The following SGCD variants were observed in gnomAD, a reference collection of about 807,000 sequenced individuals.
SGCD encodes the protein delta-sarcoglycan.
SGCD carries 18 observed loss-of-function variants against 36.6 expected under a neutral mutation model. The ratio of observed to expected loss-of-function variants is 0.49; its 90% confidence interval spans 0.34 to 0.73. The LOEUF (loss-of-function observed/expected upper bound fraction) is 0.73, where lower values mean the gene tolerates loss of function less well. SGCD is among the 30% of genes least tolerant of loss of function. SGCD has a pLI of 0.01. For missense variants in SGCD, 387 were observed against 346.7 expected, an observed-to-expected ratio of 1.12 and a Z score of -0.92; for synonymous variants, 133 against 130.6, an observed-to-expected ratio of 1.02 and a Z score of -0.12.
At chr5:156,078,081 G>A (rs1348620691) in intron 1 of SGCD, among the ~76,000 whole-genome samples, 1 of 152,014 alleles carries the variant, frequency 6.6e-6, no homozygotes, top group East Asian at 1.9e-4. Context: ...TTGTAGGTGA[G>A]TAACCAAATC....
At chr5:156,275,439 G>T (rs1357993028) in intron 3 of SGCD, among the ~76,000 whole-genome samples, 1 of 152,144 alleles carries the variant, frequency 6.6e-6, no homozygotes, top group Non-Finnish European at 1.5e-5. Context: ...AGAGATGCAT[G>T]CTTAAAACAT....
chr5:155,975,176 T>C (rs780579439), intron 1 of SGCD, among the ~76,000 whole-genome samples: 55 of 152,190 alleles, frequency 3.6e-4, no homozygotes, highest in Non-Finnish European at 6.0e-4. Flanking sequence ...CTCATCAATA[T>C]CAGTGTCATC....
At chr5:156,556,977 C>G (rs548808887) in intron 4 of SGCD, among the ~76,000 whole-genome samples, 42 of 152,260 alleles carry the variant, frequency 2.8e-4, no homozygotes, top group Non-Finnish European at 5.1e-4. Flanking sequence ...TCAGTGTGAG[C>G]TATAAGTGTA....
In SGCD at chr5:156,759,909, G is replaced by C. The variant is rs1337036909; in HGVS notation, c.*519G>C. The C allele has an allele frequency of 6.6e-6, 1 of 152,126 alleles. No individual in the cohort carries two copies. Among genetic ancestry groups the C allele is most frequent in the African/African-American group, 2.4e-5 (1 of 41,410 alleles). The allele number at this position is 152,126 out of a possible 1,614,324, so 9.4% of individuals were successfully genotyped here. Reference sequence around the variant, plus strand: ...GATTTCCTGTTTTAGCTTTAGTAAGGCTGGCTAACTTCCCCCTCTTCAAGC... The same window carrying C: ...GATTTCCTGTTTTAGCTTTAGTAAGCCTGGCTAACTTCCCCCTCTTCAAGC... On this transcript the variant is annotated 3_prime_UTR_variant, in exon 9 of 9. Coordinates refer to ENST00000337851, the MANE Select transcript of SGCD (RefSeq NM_000337.6).
intron 7 of SGCD, among the ~76,000 whole-genome samples, chr5:156,686,356 G>T (rs1435501966): frequency 2.0e-5 from 3 of 152,200 alleles, no homozygotes; most frequent in Non-Finnish European, 4.4e-5. Context: ...CATAAGGCAT[G>T]TACCCAGAAA....
At chr5:156,001,756 A>C (rs1282139461) in intron 1 of SGCD, among the ~76,000 whole-genome samples, 1 of 152,260 alleles carries the variant, frequency 6.6e-6, no homozygotes, top group Non-Finnish European at 1.5e-5. Context: ...GAAATAGCAG[A>C]AGTGACTGAT....
intron 3 of SGCD, among the ~76,000 whole-genome samples, chr5:156,499,393 A>G (rs1756352270): frequency 6.6e-6 from 1 of 152,248 alleles, no homozygotes; most frequent in African/African-American, 2.4e-5. Flanking sequence ...AGATGAAATA[A>G]TAAGTAGCAC....
chr5:156,736,773 C>T (rs1449484980), intron 7 of SGCD, among the ~76,000 whole-genome samples: 2 of 152,202 alleles, frequency 1.3e-5, no homozygotes, highest in East Asian at 1.9e-4. Flanking sequence ...CTGAAAGCAT[C>T]GTTGGTGTTC....
At chr5:156,280,185 C>A (rs1169164243) in intron 3 of SGCD, among the ~76,000 whole-genome samples, 1 of 152,166 alleles carries the variant, frequency 6.6e-6, no homozygotes, top group African/African-American at 2.4e-5. Context: ...AAAAGCCACA[C>A]TGGCCAACAA....
chr5:156,272,202 C>T (rs1766199390), intron 3 of SGCD, among the ~76,000 whole-genome samples: 1 of 152,118 alleles, frequency 6.6e-6, no homozygotes, highest in South Asian at 2.1e-4. Flanking sequence ...TCCCCAAGTT[C>T]CATTATATTG....
Position 156,199,749 on chromosome 5 carries a change from C to A in SGCD, c.-44+75730C>A, listed in dbSNP as rs999168397. On this transcript the variant is annotated intron_variant, in intron 3 of 9. Transcript: ENST00000517913. ...ACTTCACGGAGGCAGGCTTTTCTCT[C>A]AATTTTGCTGCAGCATTTCCAGTGT... Among the ~76,000 whole-genome samples, 13 of 152,176 alleles carry A rather than the reference C, an allele frequency of 8.5e-5. No individual in the cohort carries two copies. In the South Asian group the frequency reaches 1.9e-3, roughly 22 times the overall value.
intron 4 of SGCD, among the ~76,000 whole-genome samples, chr5:156,572,950 C>G (rs1190439715): frequency 6.6e-6 from 1 of 151,936 alleles, no homozygotes; most frequent in Non-Finnish European, 1.5e-5. Flanking sequence ...GAAATTTTGA[C>G]CAGCCAAGAA....
chr5:156,224,649 T>A (rs1343070743), intron 3 of SGCD, among the ~76,000 whole-genome samples: 1 of 152,146 alleles, frequency 6.6e-6, no homozygotes, highest in East Asian at 1.9e-4. Context: ...GAGGAAAGGT[T>A]GTTATCAAGT....
intron 3 of SGCD, among the ~76,000 whole-genome samples, chr5:156,273,167 T>C (rs916267260): frequency 1.3e-5 from 2 of 152,196 alleles, no homozygotes; most frequent in African/African-American, 4.8e-5. Context: ...GAGGCTAATT[T>C]GCTTCTTTTT....
Position 156,589,385 on chromosome 5 carries a change from C to G in SGCD, c.382+67C>G, listed in dbSNP as rs115591356. Reference sequence around the variant, plus strand: ...GCACTCAGAATACAGAATTAATGGTCAAAGGAAACACCATATGAACCTGAA... The same window carrying G: ...GCACTCAGAATACAGAATTAATGGTGAAAGGAAACACCATATGAACCTGAA... On this transcript the variant is annotated intron_variant, in intron 5 of 8. Transcript: ENST00000337851. 1.9e-3 allele frequency: 1,602 copies of G among 825,000 alleles called. 16 individuals are homozygous for G. The African/African-American group carries it at 0.024, about 12-fold the overall frequency. The allele number at this position is 825,000 out of a possible 1,614,324, so 51.1% of individuals were successfully genotyped here. A position where few individuals can be genotyped will look rare whatever the true frequency, so the allele number is the denominator to read the frequency against.
chr5:156,332,480 TG>T (rs1302650459), intron 2 of SGCD, among the ~76,000 whole-genome samples: 4 of 152,244 alleles, frequency 2.6e-5, no homozygotes, highest in African/African-American at 4.8e-5. Flanking sequence ...TGTTTACATT[TG>T]TCTGCTCTAT....
At chr5:156,159,533 G>A (rs2127617913) in intron 3 of SGCD, among the ~76,000 whole-genome samples, 1 of 151,638 alleles carries the variant, frequency 6.6e-6, no homozygotes, top group East Asian at 1.9e-4. Context: ...TTTGGCTTCA[G>A]AAGAGGCTGT....
At position 156,562,841 on chromosome 5, in the gene SGCD, A is replaced by G. The variant is rs187279630; in HGVS notation, c.295-26390A>G. Reference sequence around the variant, plus strand: ...TATAATAATTTATATTCTTATACATATTTTATATACTTAAATATAACTTAA... The same window carrying G: ...TATAATAATTTATATTCTTATACATGTTTTATATACTTAAATATAACTTAA... On this transcript the variant is annotated intron_variant, in intron 4 of 8. Coordinates refer to ENST00000337851, the MANE Select transcript of SGCD (RefSeq NM_000337.6). 5.9e-4 allele frequency among the ~76,000 whole-genome samples: 89 copies of G among 151,052 alleles called. No individual in the cohort carries two copies. The East Asian group carries it at 0.017, about 28-fold the overall frequency.
chr5:156,205,856 G>A (rs1764261983), intron 3 of SGCD, among the ~76,000 whole-genome samples: 1 of 151,764 alleles, frequency 6.6e-6, no homozygotes, highest in Non-Finnish European at 1.5e-5. Flanking sequence ...CTCCATTACA[G>A]ATGAGGTAAA....
Sources: gnomAD v4.1 joint callset for allele counts (sites outside exome capture counted in the v4.1 genomes callset) on GRCh38, gnomAD v4.1.1 for gene constraint, MANE v1.5 for transcripts, NCBI Gene and HGNC (gene_info 2026-07-23, HGNC 2026-07-21) for gene names.